The following TDRD9 variants were observed in gnomAD, a reference collection of about 807,000 sequenced individuals.
The protein encoded by TDRD9 is tudor domain containing 9.
In TDRD9, 124 loss-of-function variants were observed where a neutral mutation model predicts 172.6. The observed-to-expected ratio is 0.72, with a 90% CI of 0.62 to 0.83. TDRD9 has a LOEUF of 0.83. Among genes scored for constraint, TDRD9 ranks in the 40% least tolerant of loss-of-function variants. The pLI is 0.00. For synonymous variants in TDRD9, 619 were observed against 617.1 expected (o/e 1.00, Z -0.05); for missense variants, 1,479 against 1,714.1 (o/e 0.86, Z 2.42).
In TDRD9 at chr14:104,018,126, A is replaced by G. The variant is rs1367218315; in HGVS notation, c.2366A>G (p.Tyr789Cys). The change falls in exon 23 of 36, where the codon TAT becomes TGT. Residue 789 changes from tyrosine (Y) to cysteine (C), a missense_variant. Transcript: ENST00000409874. ...ATTCCTCCCTATGGATTTCTTTACT[A>G]TAAACAACTACAGTCTCTCTTTAGA... The part of the protein sequence containing the change: ...KHIPPYGFLY[Y>C]KQLQSLFRQC... The G allele has an allele frequency of 4.4e-6, 7 of 1,607,756 alleles. No individual in the cohort carries two copies. In the African/African-American group the frequency reaches 5.3e-5, roughly 12 times the overall value.
chr14:104,012,006 A>G (rs939714553), intron 20 of TDRD9, among the ~76,000 whole-genome samples: 1 of 152,152 alleles, frequency 6.6e-6, no homozygotes, highest in Non-Finnish European at 1.5e-5. Flanking sequence ...ACAGTGATTA[A>G]TTCTCTCAGC....
Position 103,963,150 on chromosome 14 carries a change from T to C in TDRD9, c.394T>C (p.Leu132=), listed in dbSNP as rs761563443. 1 of 1,549,134 alleles carries C rather than the reference T, an allele frequency of 6.5e-7. No homozygotes were observed. Among genetic ancestry groups the C allele is most frequent in the Non-Finnish European group, 8.7e-7 (1 of 1,145,668 alleles). Residue 132 remains leucine, a synonymous_variant, in exon 3 of 36, where the codon TTG becomes CTG. Transcript: ENST00000409874. ...IPGTTYKYPD[L]PISRYKEEVV... The stretch of plus-strand genomic sequence containing the variant: ...AGGGACAACTTATAAATATCCTGAT[T>C]TGCCTATAAGTCGATACAAGGAAGA...
Position 103,999,640 on chromosome 14 carries a change from TAGAAAA to T in TDRD9, c.1483+913_1483+918del, listed in dbSNP as rs2034185488. Among the ~76,000 whole-genome samples the T allele has an allele frequency of 9.2e-4, 117 of 127,570 alleles. 12 individuals carry two copies. Among genetic ancestry groups the T allele is most frequent in the East Asian group, 1.4e-3 (6 of 4,430 alleles). 83.7% of individuals were successfully genotyped at this position (127,570 alleles called of 152,430 possible). On this transcript the variant is annotated intron_variant, in intron 13 of 35. Coordinates refer to ENST00000409874, the MANE Select transcript of TDRD9 (RefSeq NM_153046.3). ...GTGGCTTTTTTTTTTGTTTGTTTTT[TAGAAAA>T]CCTTTTGGGAAGGGTAGATAAAAGA...
At chr14:103,971,738 G>A (rs1477942210) in intron 6 of TDRD9, among the ~76,000 whole-genome samples, 1 of 152,140 alleles carries the variant, frequency 6.6e-6, no homozygotes, top group Non-Finnish European at 1.5e-5. Flanking sequence ...ATACTTTTTG[G>A]TTATTATGTT....
Position 104,049,297 on chromosome 14 carries a change from A to C in TDRD9, c.3975-311A>C, listed in dbSNP as rs566918514. The C allele has an allele frequency of 1.7e-4, 28 of 168,462 alleles. No homozygotes were observed. In the East Asian group the frequency reaches 3.4e-3, roughly 20 times the overall value. 10.4% of individuals were successfully genotyped at this position (168,462 alleles called of 1,614,324 possible). On this transcript the variant is annotated intron_variant, in intron 34 of 35. Coordinates refer to ENST00000409874, the MANE Select transcript of TDRD9 (RefSeq NM_153046.3). Reference sequence around the variant, plus strand: ...ACTTGTCATGATTGCTTGAGAGCTAATGGTACAAAATGTCCTGTTACATTT... The same window carrying C: ...ACTTGTCATGATTGCTTGAGAGCTACTGGTACAAAATGTCCTGTTACATTT...
At chr14:104,016,896 A>T (rs942226810) in intron 22 of TDRD9, among the ~76,000 whole-genome samples, 5 of 152,204 alleles carry the variant, frequency 3.3e-5, no homozygotes, top group African/African-American at 7.2e-5. Flanking sequence ...TAAATAGCTC[A>T]TAAGGAAAGG....
chr14:103,941,979 A>G (rs982815450), intron 1 of TDRD9: 4 of 364,542 alleles, frequency 1.1e-5, no homozygotes, highest in African/African-American at 6.4e-5. Context: ...CGAAAATAAC[A>G]CTAACACTTG....
chr14:103,933,799 G>A (rs554054731), intron 1 of TDRD9, among the ~76,000 whole-genome samples: 4 of 152,330 alleles, frequency 2.6e-5, no homozygotes, highest in East Asian at 1.9e-4. Context: ...CAGGAAATGA[G>A]CCGTCTCGGC....
chr14:103,973,186 C>T (rs2033105036), intron 6 of TDRD9, among the ~76,000 whole-genome samples: 1 of 151,918 alleles, frequency 6.6e-6, no homozygotes, highest in African/African-American at 2.4e-5. Flanking sequence ...CATATTTTCT[C>T]GATATAGAAA....
chr14:104,051,064 TCA>T (rs2035923215), intron 35 of TDRD9, among the ~76,000 whole-genome samples: 1 of 152,204 alleles, frequency 6.6e-6, no homozygotes, highest in African/African-American at 2.4e-5. Context: ...ATTAATCCCA[TCA>T]CCCAGGTACT....
At chr14:103,976,656 A>G (rs374947193) in intron 7 of TDRD9, among the ~76,000 whole-genome samples, 40 of 152,180 alleles carry the variant, frequency 2.6e-4, no homozygotes, top group African/African-American at 9.4e-4. Context: ...CTATCTCTTC[A>G]GCATATTGTT....
intron 1 of TDRD9, chr14:103,945,537 T>G (rs764949128): frequency 3.3e-5 from 5 of 152,208 alleles, no homozygotes; most frequent in Non-Finnish European, 5.9e-5. Flanking sequence ...TAAGGAAGTA[T>G]CTTGGATTGT....
intron 12 of TDRD9, among the ~76,000 whole-genome samples, chr14:103,996,929 T>G (rs2034079610): frequency 6.7e-6 from 1 of 149,500 alleles, no homozygotes; most frequent in Non-Finnish European, 1.5e-5. Context: ...GGCAAAAGAG[T>G]GTTTGGGGTA....
intron 29 of TDRD9, among the ~76,000 whole-genome samples, chr14:104,031,469 T>G (rs991593985): frequency 3.6e-5 from 1 of 27,930 alleles, no homozygotes; most frequent in Admixed American, 2.9e-4. Context: ...CTTTGACTAG[T>G]TTTTTTTTTT....
chr14:104,043,696 G>A (rs1006752516), intron 34 of TDRD9, among the ~76,000 whole-genome samples: 1 of 152,136 alleles, frequency 6.6e-6, no homozygotes, highest in East Asian at 1.9e-4. Context: ...ACTGTATCCT[G>A]CCTTATTATG....
intron 34 of TDRD9, among the ~76,000 whole-genome samples, chr14:104,043,857 C>T (rs1031557099): frequency 6.6e-6 from 1 of 152,234 alleles, no homozygotes; most frequent in South Asian, 2.1e-4. Flanking sequence ...AAGGCAGTCT[C>T]ATGCAGGCAG....
chr14:103,952,218 ATATTTTTTTTTTTT>A, intron 1 of TDRD9, among the ~76,000 whole-genome samples: 1 of 44,096 alleles, frequency 2.3e-5, no homozygotes, highest in Non-Finnish European at 3.7e-5. Context: ...ATATATATAT[ATATTTTTTTTTTTT>A]TTTTTTTTTT....
chr14:104,046,918 T>C (rs1194935447), intron 34 of TDRD9, among the ~76,000 whole-genome samples: 1 of 152,254 alleles, frequency 6.6e-6, no homozygotes, highest in Non-Finnish European at 1.5e-5. Context: ...AGTGCTGGGA[T>C]TACAGGCGTG....
At chr14:104,033,832 A>G (rs1404978137) in intron 30 of TDRD9, 128 bp from the exon 31 acceptor site, 1 of 641,392 alleles carries the variant, frequency 1.6e-6, no homozygotes, top group East Asian at 2.8e-5. Context: ...GGGGGGTTAA[A>G]TATTTCTTCC....
Sources: allele counts gnomAD v4.1 joint callset (sites outside exome capture counted in the v4.1 genomes callset), GRCh38; gene constraint gnomAD v4.1.1; transcripts MANE v1.5; gene names NCBI Gene and HGNC (gene_info 2026-07-23, HGNC 2026-07-21).